The following JAG1 variants were observed in gnomAD, a reference collection of about 807,000 sequenced individuals.
JAG1 encodes jagged canonical Notch ligand 1, also known as protein jagged-1.
In JAG1, 23 loss-of-function variants were observed where a neutral mutation model predicts 148.7. That is an observed-to-expected ratio of 0.15 (90% CI 0.11 to 0.22). The LOEUF is 0.22. Among genes scored for constraint, JAG1 ranks in the 10% least tolerant of loss-of-function variants. The pLI, the probability that JAG1 is intolerant of heterozygous loss-of-function variation, is 1.00. For missense variants in JAG1, 1,054 were observed against 1,611.2 expected, an observed-to-expected ratio of 0.65 and a Z score of 5.92; for synonymous variants, 572 against 598.3, an observed-to-expected ratio of 0.96 and a Z score of 0.64.
chr20:10,663,304 G>T (rs147087418), intron 3 of JAG1, among the ~76,000 whole-genome samples: 2,921 of 152,282 alleles, frequency 0.019, 47 homozygotes, highest in South Asian at 0.029. Context: ...CAATTAAAGA[G>T]CAAGACTACT....
chr20:10,655,072 G>A (rs368577183), intron 5 of JAG1, among the ~76,000 whole-genome samples: 1 of 152,230 alleles, frequency 6.6e-6, no homozygotes, highest in Admixed American at 6.5e-5. Context: ...GAGACAGCAG[G>A]AGAAGCCCCT....
chr20:10,655,734 CT>C (rs2067374542), intron 5 of JAG1, among the ~76,000 whole-genome samples: 1 of 152,126 alleles, frequency 6.6e-6, no homozygotes, highest in African/African-American at 2.4e-5. Context: ...CAAAATAAGC[CT>C]TTTCCAAACG....
chr20:10,646,076 C>T lies in JAG1; in HGVS notation c.1894G>A (p.Asp632Asn), dbSNP rs776293844. Residue 632 changes from aspartate to asparagine, a missense_variant, in exon 15 of 26, where the codon GAC becomes AAC. Around this residue, in one of 6 missense-constraint regions of JAG1, gnomAD observed 35 missense variants for 99.7 expected, o/e 0.35. Coordinates refer to ENST00000254958, the MANE Select transcript of JAG1 (RefSeq NM_000214.3). Reference sequence around the variant, plus strand: ...TTTCTACAAGGGTTGCTCTCACAGTCATTAATATCTATGAAACAAAGTAAA... The same window carrying T: ...TTTCTACAAGGGTTGCTCTCACAGTTATTAATATCTATGAAACAAAGTAAA... Reference protein sequence around the residue: ...TGTYCHENINDCESNPCRNGG... With the variant: ...TGTYCHENINNCESNPCRNGG... 6.2e-7 allele frequency: 1 copy of T among 1,609,282 alleles called. No homozygotes were observed. The highest frequency in any genetic ancestry group is 8.5e-7 in the Non-Finnish European group (1 of 1,175,618).
chr20:10,673,092 C>T lies in JAG1; in HGVS notation c.82-86G>A. On this transcript the variant is annotated intron_variant, in intron 1 of 25. Transcript: ENST00000254958. This position sits in a 1 kb window ranked among gnomAD's most constrained non-coding sequence, Gnocchi z 4.7. ...GGTGGCGACTCCCTCCCACTCCCCG[C>T]CCCGACGAGCCCTCCTCGCCGAGTG... The T allele has an allele frequency of 8.4e-7, 1 of 1,185,180 alleles. No individual in the cohort carries two copies. Among genetic ancestry groups the T allele is most frequent in the Non-Finnish European group, 1.2e-6 (1 of 813,902 alleles). 73.4% of individuals were successfully genotyped at this position (1,185,180 alleles called of 1,614,324 possible).
Position 10,652,491 on chromosome 20 carries a change from C to G in JAG1, c.863G>C (p.Trp288Ser). ...ACCTTTGTCACAGAGCTGGCCGCCC[C>G]AGTTGGTCTCACAGAGGCACTGCCA... ...EPWQCLCETN[W>S]GGQLCDKDLN... The change falls in exon 6 of 26, where the codon TGG becomes TCG. Residue 288 changes from tryptophan to serine, a missense_variant. Physicochemically the swap from Trp to Ser is radical, Grantham distance 177. Transcript: ENST00000254958. 1 of 1,614,172 alleles carries G rather than the reference C, an allele frequency of 6.2e-7. No individual in the cohort carries two copies. The highest frequency in any genetic ancestry group is 8.5e-7 in the Non-Finnish European group (1 of 1,180,026).
chr20:10,641,353 C>G, intron 23 of JAG1, 107 bp downstream of exon 23: 1 of 1,539,216 alleles, frequency 6.5e-7, no homozygotes, highest in Admixed American at 1.7e-5. Context: ...TATTATAAAA[C>G]AGGAATGTAA....
intron 13 of JAG1, 46 bp from the exon 14 acceptor site, chr20:10,647,149 T>C (rs749500186): frequency 1.7e-5 from 27 of 1,611,856 alleles, no homozygotes; most frequent in Admixed American, 1.3e-4. Context: ...CACCCACAGA[T>C]GCGGCATTCC....
intron 2 of JAG1, among the ~76,000 whole-genome samples, chr20:10,669,018 C>T (rs900696294): frequency 1.5e-4 from 14 of 96,134 alleles, no homozygotes; most frequent in African/African-American, 5.7e-4. Flanking sequence ...CAGAAGGTTA[C>T]ACCTGCAAGA....
At chr20:10,667,104 G>A (rs984495726) in intron 2 of JAG1, among the ~76,000 whole-genome samples, 2 of 152,216 alleles carry the variant, frequency 1.3e-5, no homozygotes, top group Non-Finnish European at 2.9e-5. Flanking sequence ...TGGCAACAGT[G>A]ACAGCCAAAC....
Position 10,641,524 on chromosome 20 carries a change from T to C in JAG1, c.2852A>G (p.Asp951Gly), listed in dbSNP as rs374139500. 6.2e-7 allele frequency: 1 copy of C among 1,613,902 alleles called. No individual in the cohort carries two copies. The highest frequency in any genetic ancestry group is 8.5e-7 in the Non-Finnish European group (1 of 1,180,010). The change falls in exon 23 of 26, where the codon GAC becomes GGC. Residue 951 changes from aspartate (D) to glycine (G), a missense_variant. This residue lies in a region of JAG1 where 342 missense variants were observed against 514.6 expected (regional missense o/e 0.66). Transcript: ENST00000254958. ...LQPVKTKCTS[D>G]SYYQDNCANI... is the part of the protein sequence containing the mutation. ...CGCACAGTTATCCTGGTAATAGGAG[T>C]CAGAGGTGCACTTTGTCTTCACCGG...
In JAG1 at chr20:10,639,859, G is replaced by A. The variant is rs200949270; in HGVS notation, c.3296C>T (p.Pro1099Leu). The A allele has an allele frequency of 1.5e-4, 239 of 1,614,120 alleles. 1 individual carries two copies. The highest frequency in any genetic ancestry group is 1.0e-3 in the Admixed American group (60 of 60,028). Residue 1099 changes from proline (P) to leucine (L), a missense_variant, in exon 26 of 26, where the codon CCG becomes CTG. Around this residue, in one of 6 missense-constraint regions of JAG1, gnomAD observed 177 missense variants for 177.3 expected, o/e 1.00. Transcript: ENST00000254958. ...FYWCLRKRRK[P>L]GSHTHSASED... Reference sequence around the variant, plus strand: ...AGAGGCTGAGTGTGTGTGGCTGCCCGGCTTCCGCCGCTTCCGCAGGCACCA... The same window carrying A: ...AGAGGCTGAGTGTGTGTGGCTGCCCAGCTTCCGCCGCTTCCGCAGGCACCA...
chr20:10,644,598 TA>T lies in JAG1; in HGVS notation c.2345-215del, dbSNP rs1329336660. 39 of 653,204 alleles carry T rather than the reference TA, an allele frequency of 6.0e-5. 1 individual carries two copies. Among genetic ancestry groups the T allele is most frequent in the South Asian group, 4.1e-4 (23 of 56,752 alleles). The allele number at this position is 653,204 out of a possible 1,614,324, so 40.5% of individuals were successfully genotyped here. ...CACAGGAAGAGGCCCTGGTAGGGGATAGGGGTGGGGGTGAGAATGGAAGGAG... is the reference window on the plus strand; with the variant it reads ...CACAGGAAGAGGCCCTGGTAGGGGATGGGGTGGGGGTGAGAATGGAAGGAG... On this transcript the variant is annotated intron_variant, in intron 18 of 25. Transcript: ENST00000254958.
Position 10,672,690 on chromosome 20 carries a change from T to C in JAG1, c.387+11A>G, listed in dbSNP as rs1232779153. ...GGCTCCGCCCGGCCTCCTTCCCGAGTAGTCACTCACCGGCCAGGCGAAACT... is the reference window on the plus strand; with the variant it reads ...GGCTCCGCCCGGCCTCCTTCCCGAGCAGTCACTCACCGGCCAGGCGAAACT... On this transcript the variant is annotated intron_variant, in intron 2 of 25. Transcript: ENST00000254958. 1.2e-6 allele frequency: 2 copies of C among 1,611,606 alleles called. No individual in the cohort carries two copies. Among genetic ancestry groups the C allele is most frequent in the Non-Finnish European group, 1.7e-6 (2 of 1,179,734 alleles).
chr20:10,648,991 C>T, intron 11 of JAG1, 70 bp downstream of exon 11: 1 of 1,259,480 alleles, frequency 7.9e-7, no homozygotes. Flanking sequence ...CAGAGCTCTC[C>T]TAGTGTCGCA....
chr20:10,670,585 C>G (rs1346490066), intron 2 of JAG1, among the ~76,000 whole-genome samples: 1 of 152,178 alleles, frequency 6.6e-6, no homozygotes, highest in Non-Finnish European at 1.5e-5. Context: ...CGGACTGTGC[C>G]GTTTCTCCAA....
chr20:10,647,203 A>G, intron 13 of JAG1, 100 bp from the exon 14 acceptor site: 1 of 1,400,614 alleles, frequency 7.1e-7, no homozygotes. Context: ...GGAGACAGGG[A>G]CCCTCTGGCT....
At chr20:10,650,625 C>T in intron 8 of JAG1, 1 of 481,690 alleles carries the variant, frequency 2.1e-6, no homozygotes, top group Non-Finnish European at 3.8e-6. Flanking sequence ...AGCATCCGCC[C>T]AGGAGGAACA....
At chr20:10,659,178 A>ATT (rs2067397565) in intron 3 of JAG1, among the ~76,000 whole-genome samples, 1 of 152,388 alleles carries the variant, frequency 6.6e-6, no homozygotes, top group South Asian at 2.1e-4. Context: ...TGTGTTTCCC[A>ATT]ATAACACTGC....
Position 10,673,044 on chromosome 20 carries a change from A to G in JAG1, c.82-38T>C. The G allele has an allele frequency of 6.3e-7, 1 of 1,594,670 alleles. No individual in the cohort carries two copies. Among genetic ancestry groups the G allele is most frequent in the Non-Finnish European group, 8.5e-7 (1 of 1,174,936 alleles). ...GAAGGAGGTAGGTCAGCGCGGGAGA[A>G]AGCTGTTTTCTTCGAGTATAGAGGT... On this transcript the variant is annotated intron_variant, in intron 1 of 25. Transcript: ENST00000254958. The surrounding 1 kb of genome is among the most constrained non-coding windows in gnomAD (Gnocchi z 4.7).
Sources: allele counts gnomAD v4.1 joint callset (sites outside exome capture counted in the v4.1 genomes callset), GRCh38; gene constraint gnomAD v4.1.1; regional missense constraint gnomAD v4.1.1; non-coding constraint Gnocchi (gnomAD v3.1); transcripts MANE v1.5; gene names NCBI Gene and HGNC (gene_info 2026-07-23, HGNC 2026-07-21).